LGR4: variants seen among roughly 807,000 people sequenced by gnomAD.
The protein encoded by LGR4 is leucine rich repeat containing G protein-coupled receptor 4.
In LGR4, 44 loss-of-function variants were observed where a neutral mutation model predicts 84.8. The ratio of observed to expected loss-of-function variants is 0.52; its 90% confidence interval spans 0.41 to 0.67. The LOEUF (loss-of-function observed/expected upper bound fraction) is 0.67. Ranked by LOEUF, LGR4 falls within the 30% of genes least tolerant of loss-of-function variation. LGR4 has a pLI of 0.00. For missense variants in LGR4, 1,032 were observed against 1,131.4 expected (o/e 0.91, Z 1.26); for synonymous variants, 429 against 434.3 (o/e 0.99, Z 0.15).
chr11:27,393,223 T>G (rs1863318710), intron 2 of LGR4, among the ~76,000 whole-genome samples: 1 of 152,078 alleles, frequency 6.6e-6, no homozygotes, highest in Admixed American at 6.6e-5. Context: ...CATAGAGAAA[T>G]AGAAGAAAAA....
chr11:27,406,779 A>G (rs1863619086), intron 2 of LGR4, among the ~76,000 whole-genome samples: 1 of 152,196 alleles, frequency 6.6e-6, no homozygotes, highest in Admixed American at 6.5e-5. Context: ...AAAGAAGTTA[A>G]TATTTTTAAC....
rs1862819350 is a variant in LGR4 at position 27,368,715 on chromosome 11, A to G, written c.2008T>C (p.Phe670Leu). 3 of 1,613,632 alleles carry G rather than the reference A, an allele frequency of 1.9e-6. No homozygotes were observed. Among genetic ancestry groups the G allele is most frequent in the Admixed American group, 3.3e-5 (2 of 59,946 alleles). The change falls in exon 18 of 18, where the codon TTC (phenylalanine) becomes CTC (leucine). Residue 670 changes from phenylalanine to leucine, a missense_variant. Phe to Leu is a conservative substitution (Grantham distance 22, BLOSUM62 0). Coordinates refer to ENST00000379214, the MANE Select transcript of LGR4 (RefSeq NM_018490.5). ...KQFRVAALLA[F>L]LGATVAGCFP... The stretch of plus-strand genomic sequence containing the variant: ...CAGCCTGCTACTGTAGCACCTAGGA[A>G]AGCCAAAAGGGCAGCAACCCGGAAC...
chr11:27,438,034 A>G (rs1439434663), intron 1 of LGR4, among the ~76,000 whole-genome samples: 1 of 152,078 alleles, frequency 6.6e-6, no homozygotes, highest in Non-Finnish European at 1.5e-5. Context: ...GAAAAAAAAG[A>G]CATAGAAACC....
At chr11:27,407,690 A>C (rs1863638765) in intron 2 of LGR4, among the ~76,000 whole-genome samples, 1 of 152,110 alleles carries the variant, frequency 6.6e-6, no homozygotes, top group African/African-American at 2.4e-5. Flanking sequence ...TTTTTCGCTA[A>C]AGGATATCAG....
intron 2 of LGR4, among the ~76,000 whole-genome samples, chr11:27,401,261 T>C (rs1863496644): frequency 6.6e-6 from 1 of 152,342 alleles, no homozygotes; most frequent in Non-Finnish European, 1.5e-5. Flanking sequence ...TTATAGGCCA[T>C]CTAGAACTCT....
chr11:27,402,062 C>T (rs1863515112), intron 2 of LGR4, among the ~76,000 whole-genome samples: 2 of 152,170 alleles, frequency 1.3e-5, no homozygotes, highest in South Asian at 4.1e-4. Context: ...CAGACAGACC[C>T]TGTTGGTTGC....
At chr11:27,378,812 A>G (rs1251330847) in intron 10 of LGR4, 44 bp from the exon 11 acceptor site, 1 of 1,390,094 alleles carries the variant, frequency 7.2e-7, no homozygotes, top group Non-Finnish European at 1.0e-6. Context: ...TCAACTCAAG[A>G]TAGTAAGCAA....
At chr11:27,409,378 T>C (rs189568416) in intron 2 of LGR4, among the ~76,000 whole-genome samples, 1 of 152,222 alleles carries the variant, frequency 6.6e-6, no homozygotes, top group East Asian at 1.9e-4. Flanking sequence ...GCTTCAACTT[T>C]TGTGAAACTG....
intron 13 of LGR4, 93 bp downstream of exon 13, chr11:27,376,206 C>A: frequency 2.6e-6 from 2 of 754,838 alleles, no homozygotes; most frequent in Admixed American, 2.5e-5. Context: ...AAAATTATAT[C>A]TTTAAGTATA....
At chr11:27,391,953 A>G (rs1863294417) in intron 3 of LGR4, among the ~76,000 whole-genome samples, 1 of 152,072 alleles carries the variant, frequency 6.6e-6, no homozygotes, top group South Asian at 2.1e-4. Flanking sequence ...CTGTTTCCTA[A>G]TCTGCCATAC....
At chr11:27,412,931 A>G (rs910167359) in intron 1 of LGR4, 71 bp from the exon 2 acceptor site, 2 of 1,012,896 alleles carry the variant, frequency 2.0e-6, no homozygotes, top group African/African-American at 3.2e-5. Flanking sequence ...TCCAACAGAA[A>G]ACTAACTAGG....
At chr11:27,470,260 A>G (rs1864846937) in intron 1 of LGR4, among the ~76,000 whole-genome samples, 1 of 152,166 alleles carries the variant, frequency 6.6e-6, no homozygotes, top group South Asian at 2.1e-4. Flanking sequence ...ACAGCATTTC[A>G]CCACCTTCAG....
At chr11:27,416,393 T>A (rs1863819798) in intron 1 of LGR4, among the ~76,000 whole-genome samples, 2 of 152,170 alleles carry the variant, frequency 1.3e-5, no homozygotes, top group Non-Finnish European at 2.9e-5. Context: ...CCTTATAGAT[T>A]GATGTGAAGA....
At chr11:27,385,884 T>C (rs1863178728) in intron 4 of LGR4, among the ~76,000 whole-genome samples, 1 of 151,106 alleles carries the variant, frequency 6.6e-6, no homozygotes, top group Admixed American at 6.6e-5. Flanking sequence ...ATAACTAACA[T>C]TAGACATTAA....
At chr11:27,457,267 T>G (rs548666656) in intron 1 of LGR4, among the ~76,000 whole-genome samples, 431 of 151,818 alleles carry the variant, frequency 2.8e-3, no homozygotes, top group Non-Finnish European at 5.0e-3. Flanking sequence ...TAAATATCCA[T>G]TTTTTAAAAA....
intron 1 of LGR4, among the ~76,000 whole-genome samples, chr11:27,445,426 G>C (rs1864373821): frequency 6.6e-6 from 1 of 152,126 alleles, no homozygotes; most frequent in Non-Finnish European, 1.5e-5. Context: ...TGGAGATAAA[G>C]AATACCTCTT....
chr11:27,459,945 G>C (rs759756603), intron 1 of LGR4, among the ~76,000 whole-genome samples: 6 of 152,004 alleles, frequency 3.9e-5, no homozygotes, highest in Non-Finnish European at 7.4e-5. Flanking sequence ...ACAAAAATCA[G>C]CCAAGTGTGA....
chr11:27,381,984 C>T (rs2133370360), intron 7 of LGR4, among the ~76,000 whole-genome samples: 1 of 152,304 alleles, frequency 6.6e-6, no homozygotes, highest in Non-Finnish European at 1.5e-5. Context: ...TCTTGTTTTA[C>T]CAGCATCTAA....
intron 1 of LGR4, among the ~76,000 whole-genome samples, chr11:27,429,315 T>C (rs1308453400): frequency 6.6e-6 from 1 of 152,038 alleles, no homozygotes; most frequent in Non-Finnish European, 1.5e-5. Context: ...TGAAACCTCA[T>C]CTTTAGTAAA....
Sources: gnomAD v4.1 joint callset for allele counts (sites outside exome capture counted in the v4.1 genomes callset) on GRCh38, gnomAD v4.1.1 for gene constraint, MANE v1.5 for transcripts, NCBI Gene and HGNC (gene_info 2026-07-23, HGNC 2026-07-21) for gene names.